PDE8B: variants seen among roughly 807,000 people sequenced by gnomAD.
PDE8B encodes the protein phosphodiesterase 8B.
A neutral mutation model predicts 101.3 loss-of-function variants in PDE8B; 26 were observed. That is an observed-to-expected ratio of 0.26 (90% confidence interval 0.19 to 0.36). PDE8B has a LOEUF of 0.36. Ranked by LOEUF, PDE8B falls within the 10% of genes least tolerant of loss-of-function variation. PDE8B has a pLI of 1.00. For synonymous variants in PDE8B, 424 were observed against 429.3 expected, an observed-to-expected ratio of 0.99 and a Z score of 0.15; for missense variants, 810 against 1,163.1, an observed-to-expected ratio of 0.70 and a Z score of 4.42.
intron 1 of PDE8B, among the ~76,000 whole-genome samples, chr5:77,288,794 G>T (rs1766606969): frequency 6.6e-6 from 1 of 151,508 alleles, no homozygotes; most frequent in Non-Finnish European, 1.5e-5. Context: ...TAAAATCTAG[G>T]TCTGTGCTCC....
At chr5:77,340,327 G>A (rs1255593265) in intron 6 of PDE8B, among the ~76,000 whole-genome samples, 1 of 152,172 alleles carries the variant, frequency 6.6e-6, no homozygotes, top group Non-Finnish European at 1.5e-5. Flanking sequence ...ACAGACATTT[G>A]TAGAGCACTT....
intron 1 of PDE8B, among the ~76,000 whole-genome samples, chr5:77,278,869 C>T (rs576468815): frequency 4.5e-4 from 69 of 152,084 alleles, no homozygotes; most frequent in Non-Finnish European, 8.8e-4. Context: ...TTGACAAATA[C>T]TAGTTTAAGT....
At chr5:77,296,088 A>G (rs1014916111) in intron 1 of PDE8B, among the ~76,000 whole-genome samples, 2 of 152,140 alleles carry the variant, frequency 1.3e-5, no homozygotes, top group East Asian at 1.9e-4. Context: ...ACCAATTGCT[A>G]TAGCCAGGAA....
intron 1 of PDE8B, among the ~76,000 whole-genome samples, chr5:77,243,714 T>C (rs192297553): frequency 1.1e-4 from 16 of 152,352 alleles, no homozygotes; most frequent in Non-Finnish European, 1.5e-4. Flanking sequence ...TTCTACTATA[T>C]GGATAGGACA....
the PDE8B span, chr5:77,118,393 C>T: frequency 1.0e-5 from 4 of 398,670 alleles, no homozygotes; most frequent in South Asian, 5.1e-4. Flanking sequence ...GGGAGCTTCT[C>T]TCTCAGCCTC....
At chr5:77,287,289 C>T (rs1766209171) in intron 1 of PDE8B, among the ~76,000 whole-genome samples, 1 of 151,962 alleles carries the variant, frequency 6.6e-6, no homozygotes, top group Admixed American at 6.6e-5. Flanking sequence ...TTCCAGGTTG[C>T]CACGTATTTT....
chr5:77,178,074 A>G, the PDE8B span, among the ~76,000 whole-genome samples: 2 of 152,194 alleles, frequency 1.3e-5, no homozygotes, highest in African/African-American at 2.4e-5. Flanking sequence ...GTTGCCACAG[A>G]CATGTACTGT....
chr5:77,238,517 T>C (rs575352305), intron 1 of PDE8B, among the ~76,000 whole-genome samples: 1 of 152,386 alleles, frequency 6.6e-6, no homozygotes, highest in South Asian at 2.1e-4. Context: ...AATTGCTTAG[T>C]CTTTGTCAGA....
chr5:77,290,733 C>G (rs978470957), intron 1 of PDE8B: 6 of 1,492,320 alleles, frequency 4.0e-6, no homozygotes, highest in Non-Finnish European at 5.6e-6. Flanking sequence ...GCAGTGGAAT[C>G]CTGTAGGCCT....
chr5:77,274,702 C>T (rs1763495088), intron 1 of PDE8B, among the ~76,000 whole-genome samples: 1 of 152,064 alleles, frequency 6.6e-6, no homozygotes, highest in African/African-American at 2.4e-5. Context: ...ACAGTGTTCA[C>T]TGAGGAAAAA....
At chr5:77,249,692 G>A (rs2149607322) in intron 1 of PDE8B, among the ~76,000 whole-genome samples, 2 of 152,366 alleles carry the variant, frequency 1.3e-5, no homozygotes, top group East Asian at 1.9e-4. Flanking sequence ...AAGGAGAATT[G>A]GGGAAGGTGT....
At chr5:77,328,390 A>T (rs961642037) in intron 3 of PDE8B, among the ~76,000 whole-genome samples, 5 of 152,214 alleles carry the variant, frequency 3.3e-5, no homozygotes, top group Non-Finnish European at 4.4e-5. Context: ...CAAACATTAT[A>T]TGGTGACAGG....
In PDE8B at chr5:77,412,145, A is replaced by G. The variant is rs753339674; in HGVS notation, c.1622A>G (p.Asn541Ser). Residue 541 changes from asparagine to serine, a missense_variant, in exon 16 of 22, where the codon AAT (asparagine) becomes AGT (serine). This residue lies in a region of PDE8B where 325 missense variants were observed against 560.9 expected (regional missense o/e 0.58). Coordinates refer to ENST00000264917, the MANE Select transcript of PDE8B (RefSeq NM_003719.5). Reference protein sequence around the residue: ...HSHLAMPITINDVPPCISQLL... With the variant: ...HSHLAMPITISDVPPCISQLL... ...CACCTTGCAATGCCAATAACCATCA[A>G]TGATGTTCCCCCTTGTATCTCTCAA... 3.1e-6 allele frequency: 5 copies of G among 1,613,958 alleles called. No homozygotes were observed. The highest frequency in any genetic ancestry group is 3.3e-5 in the Admixed American group (2 of 60,018).
intron 2 of PDE8B, among the ~76,000 whole-genome samples, chr5:77,322,298 AC>A (rs1465482943): frequency 6.6e-6 from 1 of 152,106 alleles, no homozygotes; most frequent in African/African-American, 2.4e-5. Context: ...GGAATTAGCA[AC>A]CCTGAGAAGG....
intron 1 of PDE8B, among the ~76,000 whole-genome samples, chr5:77,302,886 C>T (rs1048422861): frequency 6.6e-6 from 1 of 152,118 alleles, no homozygotes; most frequent in African/African-American, 2.4e-5. Flanking sequence ...ATTCATCAGC[C>T]CCTTTTGTCT....
intron 4 of PDE8B, among the ~76,000 whole-genome samples, chr5:77,329,940 A>G (rs1188115265): frequency 6.6e-6 from 1 of 152,138 alleles, no homozygotes; most frequent in Non-Finnish European, 1.5e-5. Context: ...TCTTACCCTC[A>G]CTGAAGACTC....
intron 2 of PDE8B, among the ~76,000 whole-genome samples, chr5:77,313,778 C>G (rs1244091606): frequency 6.6e-6 from 1 of 152,120 alleles, no homozygotes; most frequent in African/African-American, 2.4e-5. Context: ...TGTTTAAGCC[C>G]TTTATTTATC....
intron 1 of PDE8B, among the ~76,000 whole-genome samples, chr5:77,217,985 C>A (rs2149410772): frequency 6.6e-6 from 1 of 152,244 alleles, no homozygotes; most frequent in South Asian, 2.1e-4. Flanking sequence ...CCATTGATTT[C>A]TTTCATCCCC....
chr5:77,152,510 G>C, the PDE8B span, among the ~76,000 whole-genome samples: 6,101 of 152,206 alleles, frequency 0.04, 394 homozygotes, highest in African/African-American at 0.14. Context: ...AGACTCACTT[G>C]CCACAAAGCT....
Sources: gnomAD v4.1 joint callset for allele counts (sites outside exome capture counted in the v4.1 genomes callset) on GRCh38, gnomAD v4.1.1 for gene constraint, gnomAD v4.1.1 regional missense constraint, MANE v1.5 for transcripts, NCBI Gene and HGNC (gene_info 2026-07-23, HGNC 2026-07-21) for gene names.